PLCL2: variants seen among roughly 807,000 people sequenced by gnomAD.
The protein encoded by PLCL2 is inactive phospholipase C-like protein 2.
In PLCL2, 4 loss-of-function variants were observed where a neutral mutation model predicts 79.6. That is an observed-to-expected ratio of 0.05 (90% CI 0.02 to 0.11). The LOEUF is 0.11. PLCL2 is among the 10% of genes least tolerant of loss of function. The probability of loss-of-function intolerance (pLI) is 1.00; values close to 1 mark genes in which losing one functional copy is unlikely to be tolerated. For synonymous variants in PLCL2, 484 were observed against 457.7 expected (o/e 1.06, Z -0.73); for missense variants, 895 against 1,291.0 (o/e 0.69, Z 4.70).
chr3:16,970,058 A>ATT (rs139259596), intron 1 of PLCL2, among the ~76,000 whole-genome samples: 11,745 of 145,694 alleles, frequency 0.081, 520 homozygotes, highest in African/African-American at 0.11. Flanking sequence ...ATATATATAT[A>ATT]TTTTATTTTA....
intron 3 of PLCL2, among the ~76,000 whole-genome samples, chr3:17,016,855 T>C (rs924222380): frequency 3.3e-5 from 5 of 152,220 alleles, no homozygotes; most frequent in African/African-American, 1.2e-4. Context: ...ATTTACCCCC[T>C]AAGACATTTG....
At chr3:17,039,515 A>G (rs1317593530) in intron 3 of PLCL2, among the ~76,000 whole-genome samples, 1 of 152,246 alleles carries the variant, frequency 6.6e-6, no homozygotes, top group Non-Finnish European at 1.5e-5. Flanking sequence ...TGAACTGTTA[A>G]CCATACATTA....
At chr3:16,908,789 C>T (rs1406434525) in intron 1 of PLCL2, among the ~76,000 whole-genome samples, 3 of 151,802 alleles carry the variant, frequency 2.0e-5, no homozygotes, top group Non-Finnish European at 4.4e-5. Flanking sequence ...TGGTGCTGGG[C>T]TTAAAAATAG....
intron 1 of PLCL2, among the ~76,000 whole-genome samples, chr3:16,952,911 A>G (rs1190371845): frequency 3.3e-5 from 5 of 152,148 alleles, no homozygotes; most frequent in Admixed American, 6.6e-5. Context: ...TTGAGTATTT[A>G]TATTCTTTGA....
intron 1 of PLCL2, among the ~76,000 whole-genome samples, chr3:16,934,087 C>T (rs543962178): frequency 2.7e-4 from 41 of 152,118 alleles, no homozygotes; most frequent in Middle Eastern, 3.4e-3. Flanking sequence ...ACAAAAAAGT[C>T]TTGGTGTATG....
At chr3:16,988,523 T>C (rs930306025) in intron 1 of PLCL2, among the ~76,000 whole-genome samples, 11 of 152,152 alleles carry the variant, frequency 7.2e-5, no homozygotes, top group African/African-American at 2.2e-4. Context: ...GTGGCTGCGG[T>C]CTGGGTAGTC....
intron 1 of PLCL2, among the ~76,000 whole-genome samples, chr3:16,927,941 A>C (rs748379798): frequency 6.6e-6 from 1 of 152,238 alleles, no homozygotes; most frequent in Non-Finnish European, 1.5e-5. Context: ...AACATGCAGC[A>C]TGTTTCAGCT....
At chr3:17,064,961 G>C (rs1215973485) in intron 4 of PLCL2, among the ~76,000 whole-genome samples, 1 of 146,144 alleles carries the variant, frequency 6.8e-6, no homozygotes, top group African/African-American at 2.5e-5. Flanking sequence ...ATGTTTAAAA[G>C]AAACAGATGT....
Position 17,017,586 on chromosome 3 carries a change from T to C in PLCL2, c.3018+2675T>C, listed in dbSNP as rs562998262. Among the ~76,000 whole-genome samples the C allele has an allele frequency of 7.2e-5, 11 of 152,304 alleles. No individual in the cohort carries two copies. In the South Asian group the frequency reaches 2.1e-3, roughly 29 times the overall value. On this transcript the variant is annotated intron_variant, in intron 3 of 5. Coordinates refer to ENST00000615277, the MANE Select transcript of PLCL2 (RefSeq NM_001144382.2). ...TATTTTTGTAATGTTATGTTGAGCT[T>C]GCCCCAAAATTAACCTTAGAAATAA...
At chr3:16,892,441 G>A (rs201752317) in intron 1 of PLCL2, among the ~76,000 whole-genome samples, 1 of 21,164 alleles carries the variant, frequency 4.7e-5, no homozygotes, top group Non-Finnish European at 1.4e-4. Flanking sequence ...GATTTAATCT[G>A]TTTTTTGGTA....
chr3:17,057,718 CTTG>C (rs1389076055), intron 4 of PLCL2, among the ~76,000 whole-genome samples: 1 of 152,202 alleles, frequency 6.6e-6, no homozygotes, highest in African/African-American at 2.4e-5. Flanking sequence ...ATGCCCATCA[CTTG>C]TTGTCTGTGT....
intron 3 of PLCL2, among the ~76,000 whole-genome samples, chr3:17,028,987 C>T (rs2064548653): frequency 6.6e-6 from 1 of 152,136 alleles, no homozygotes; most frequent in African/African-American, 2.4e-5. Context: ...CCCTGTATTC[C>T]CCGAACTTGA....
intron 1 of PLCL2, among the ~76,000 whole-genome samples, chr3:16,914,785 G>A (rs1003837836): frequency 6.6e-6 from 1 of 152,008 alleles, no homozygotes; most frequent in Non-Finnish European, 1.5e-5. Context: ...CACCCAGGCT[G>A]GAGTGCAGTG....
intron 3 of PLCL2, among the ~76,000 whole-genome samples, chr3:17,029,090 T>C (rs6809087): frequency 0.6 from 90,480 of 151,798 alleles, 27,442 homozygotes; most frequent in African/African-American, 0.71. Context: ...TGGAAGCACT[T>C]ATGTTCTAAG....
At chr3:16,901,777 T>C (rs1696624879) in intron 1 of PLCL2, among the ~76,000 whole-genome samples, 1 of 152,236 alleles carries the variant, frequency 6.6e-6, no homozygotes, top group African/African-American at 2.4e-5. Flanking sequence ...CTCAGCTCTC[T>C]CTTCAGCTAC....
chr3:16,914,366 A>G (rs535628006), intron 1 of PLCL2, among the ~76,000 whole-genome samples: 2 of 152,376 alleles, frequency 1.3e-5, no homozygotes, highest in South Asian at 2.1e-4. Context: ...GAGAAAGATC[A>G]TAAGAAAGTT....
At chr3:16,996,265 G>C (rs1460868935) in intron 1 of PLCL2, among the ~76,000 whole-genome samples, 1 of 152,078 alleles carries the variant, frequency 6.6e-6, no homozygotes, top group African/African-American at 2.4e-5. Context: ...TGAGAGGAGT[G>C]GGCTGCGACT....
chr3:16,946,769 A>C (rs2063603977), intron 1 of PLCL2, among the ~76,000 whole-genome samples: 1 of 152,046 alleles, frequency 6.6e-6, no homozygotes, highest in Admixed American at 6.5e-5. Context: ...TGTGTAGCTA[A>C]TTAGAAAGTT....
intron 1 of PLCL2, among the ~76,000 whole-genome samples, chr3:16,988,383 T>A (rs2064071494): frequency 6.6e-6 from 1 of 152,146 alleles, no homozygotes; most frequent in African/African-American, 2.4e-5. Flanking sequence ...TCCTTAGAAA[T>A]TCATTTCACA....
Sources: gnomAD v4.1 joint callset for allele counts (sites outside exome capture counted in the v4.1 genomes callset) on GRCh38, gnomAD v4.1.1 for gene constraint, MANE v1.5 for transcripts, NCBI Gene and HGNC (gene_info 2026-07-23, HGNC 2026-07-21) for gene names.